TJP2: variants seen among roughly 807,000 people sequenced by gnomAD.
TJP2 encodes the protein tight junction protein 2.
In TJP2, 91 loss-of-function variants were observed where a neutral mutation model predicts 133.1. The observed-to-expected ratio is 0.68, with a 90% CI of 0.58 to 0.81. TJP2 has a LOEUF of 0.81. TJP2 is among the 40% of genes least tolerant of loss of function. The pLI, the probability that TJP2 is intolerant of heterozygous loss-of-function variation, is 0.00. For synonymous variants in TJP2, 592 were observed against 583.4 expected (o/e 1.01, Z -0.21); for missense variants, 1,541 against 1,565.6 (o/e 0.98, Z 0.26).
At chr9:69,245,715 C>T (rs2498424) in intron 17 of TJP2, among the ~76,000 whole-genome samples, 99,966 of 152,050 alleles carry the variant, frequency 0.66, 32,891 homozygotes, top group Admixed American at 0.69. Context: ...ATCATAGCAA[C>T]ACCTACCTTG....
intron 3 of TJP2, among the ~76,000 whole-genome samples, chr9:69,217,065 T>G (rs1239643723): frequency 6.6e-6 from 1 of 151,392 alleles, no homozygotes; most frequent in Non-Finnish European, 1.5e-5. Flanking sequence ...CTCAGCTCAC[T>G]GCAACCATCA....
chr9:69,224,346 C>T (rs180830580), intron 5 of TJP2, among the ~76,000 whole-genome samples: 5 of 150,748 alleles, frequency 3.3e-5, no homozygotes, highest in Non-Finnish European at 5.9e-5. Flanking sequence ...TTAAGGTGTG[C>T]TGAATTGTTT....
intron 1 of TJP2, among the ~76,000 whole-genome samples, chr9:69,203,143 G>A (rs1288294797): frequency 2.0e-5 from 3 of 152,096 alleles, no homozygotes; most frequent in Non-Finnish European, 2.9e-5. Flanking sequence ...AACCCTCCCC[G>A]AGTTGCCTGG....
At chr9:69,162,824 T>C (rs1214200106) in intron 2 of TJP2, among the ~76,000 whole-genome samples, 4 of 152,216 alleles carry the variant, frequency 2.6e-5, no homozygotes, top group Non-Finnish European at 4.4e-5. Flanking sequence ...AGTTGTACTT[T>C]ACCACTTTTT....
At chr9:69,171,989 G>C (rs909901665), upstream of TJP2, among the ~76,000 whole-genome samples, 5 of 152,010 alleles carry the variant, frequency 3.3e-5, no homozygotes, top group African/African-American at 1.2e-4. Flanking sequence ...TAGAGACGGG[G>C]TCTCACCATG....
At chr9:69,195,415 TG>T (rs1385304976) in intron 1 of TJP2, among the ~76,000 whole-genome samples, 2 of 146,728 alleles carry the variant, frequency 1.4e-5, no homozygotes, top group Non-Finnish European at 3.0e-5. Context: ...AACTATCAGC[TG>T]ATTTTTTTTT....
At chr9:69,121,993 T>C (rs1238685021) in intron 1 of TJP2, 1 of 152,382 alleles carries the variant, frequency 6.6e-6, no homozygotes, top group African/African-American at 2.4e-5. Flanking sequence ...TCATCGGGCA[T>C]TTACTTTTTC....
intron 18 of TJP2, among the ~76,000 whole-genome samples, chr9:69,247,364 A>G (rs766355586): frequency 1.3e-5 from 2 of 152,186 alleles, no homozygotes; most frequent in Non-Finnish European, 2.9e-5. Context: ...GGGAGATTCT[A>G]TTACCTGTGG....
chr9:69,251,479 C>G, intron 21 of TJP2, 115 bp downstream of exon 21: 1 of 1,101,066 alleles, frequency 9.1e-7, no homozygotes, highest in Non-Finnish European at 1.3e-6. Context: ...TGCACTGCAC[C>G]AAAGGCAGGT....
At chr9:69,232,071 TG>T (rs2133356901) in intron 11 of TJP2, among the ~76,000 whole-genome samples, 1 of 152,274 alleles carries the variant, frequency 6.6e-6, no homozygotes, top group Admixed American at 6.5e-5. Context: ...TGTTGTTAGA[TG>T]GGGAGAGTCG....
Position 69,226,143 on chromosome 9 carries a change from C to G in TJP2, c.1178C>G (p.Pro393Arg). ...RDSQQTLINI[P>R]SLNDSDSEIE... is the part of the protein sequence containing the mutation. ...AGCCAGCAGACCCTCATCAACATCC[C>G]GTCATTAAATGACAGTGACTCAGAA... Residue 393 changes from proline to arginine, a missense_variant, in exon 7 of 23, where the codon CCG (proline) becomes CGG (arginine). Physicochemically the swap from Pro to Arg is moderately radical, Grantham distance 103. Transcript: ENST00000377245. 6.2e-7 allele frequency: 1 copy of G among 1,614,080 alleles called. No homozygotes were observed. Among genetic ancestry groups the G allele is most frequent in the Non-Finnish European group, 8.5e-7 (1 of 1,180,014 alleles).
At chr9:69,225,539 C>T in intron 6 of TJP2, 132 bp downstream of exon 6, 1 of 681,058 alleles carries the variant, frequency 1.5e-6, no homozygotes, top group East Asian at 2.8e-5. Context: ...GCAAGAGCAG[C>T]ATAATGAGAC....
intron 4 of TJP2, among the ~76,000 whole-genome samples, chr9:69,220,657 C>T (rs1314118950): frequency 6.6e-6 from 1 of 152,176 alleles, no homozygotes; most frequent in South Asian, 2.1e-4. Flanking sequence ...TTTGGAGATA[C>T]TATTTTATTA....
chr9:69,236,124 C>G lies in TJP2; in HGVS notation c.1877C>G (p.Thr626Ser), dbSNP rs149911553. 1.4e-3 allele frequency: 2,181 copies of G among 1,614,170 alleles called. 3 individuals carry two copies. The highest frequency in any genetic ancestry group is 1.7e-3 in the Non-Finnish European group (2,015 of 1,180,024). The change falls in exon 13 of 23, where the codon ACC becomes AGC. Residue 626 changes from threonine to serine, a missense_variant. Thr to Ser is a moderately conservative substitution (Grantham distance 58). Transcript: ENST00000377245. ...EKETPQSLAF[T>S]RGEVFRVVDT... is the part of the protein sequence containing the mutation. ...GAAACTCCACAGAGCCTGGCCTTCA[C>G]CAGAGGGGAGGTCTTCCGAGTGGTA...
At chr9:69,131,516 C>T (rs1267472629) in intron 1 of TJP2, among the ~76,000 whole-genome samples, 1 of 152,166 alleles carries the variant, frequency 6.6e-6, no homozygotes, top group African/African-American at 2.4e-5. Flanking sequence ...ATCCTCATTG[C>T]GTCTGAGGAT....
intron 21 of TJP2, among the ~76,000 whole-genome samples, chr9:69,252,171 T>G (rs150132982): frequency 1.2e-3 from 176 of 152,162 alleles, no homozygotes; most frequent in African/African-American, 4.0e-3. Flanking sequence ...ATTTTTCGTA[T>G]TTTTTGAAGA....
intron 1 of TJP2, among the ~76,000 whole-genome samples, chr9:69,144,170 C>T (rs1823120270): frequency 6.6e-6 from 1 of 152,040 alleles, no homozygotes; most frequent in African/African-American, 2.4e-5. Flanking sequence ...CCCAGCAACA[C>T]TCAAATTTTT....
chr9:69,165,064 A>C (rs1824277018), intron 2 of TJP2, among the ~76,000 whole-genome samples: 1 of 152,132 alleles, frequency 6.6e-6, no homozygotes, highest in Non-Finnish European at 1.5e-5. Context: ...TCTTGGCCTC[A>C]AGTGTTCCGC....
At chr9:69,173,213 T>G (rs967290964), upstream of TJP2, among the ~76,000 whole-genome samples, 1 of 152,166 alleles carries the variant, frequency 6.6e-6, no homozygotes, top group Admixed American at 6.5e-5. Flanking sequence ...TAGGACGAGT[T>G]TTGCTTTCCA....
Sources: allele counts gnomAD v4.1 joint callset (sites outside exome capture counted in the v4.1 genomes callset), GRCh38; gene constraint gnomAD v4.1.1; transcripts MANE v1.5; gene names NCBI Gene and HGNC (gene_info 2026-07-23, HGNC 2026-07-21).